HTRA3: variants seen among roughly 807,000 people sequenced by gnomAD.
HTRA3 encodes the protein serine protease HTRA3.
Under a neutral mutation model 43.2 loss-of-function variants are expected in HTRA3, and 41 were observed. The ratio of observed to expected loss-of-function variants is 0.95; its 90% CI spans 0.74 to 1.23. The LOEUF (loss-of-function observed/expected upper bound fraction) is 1.23, where lower values mean the gene tolerates loss of function less well. Among genes scored for constraint, HTRA3 ranks in the 50% most tolerant of loss-of-function variants. The pLI, the probability that HTRA3 is intolerant of heterozygous loss-of-function variation, is 0.00. For missense variants in HTRA3, 628 were observed against 647.1 expected, an observed-to-expected ratio of 0.97 and a Z score of 0.32; for synonymous variants, 295 against 287.9, an observed-to-expected ratio of 1.02 and a Z score of -0.25.
rs1028831615 is a variant in HTRA3, at chr4:8,296,580, G to A, written c.1051+2379G>A. ...CTGGAGGTGGGGTGCAGAGGCCTCT[G>A]AGGGGCTTTCAGGGTAAAGAGTGGC... On this transcript the variant is annotated intron_variant, in intron 6 of 8. Coordinates refer to ENST00000307358, the MANE Select transcript of HTRA3 (RefSeq NM_053044.5). This position sits in a 1 kb window ranked among gnomAD's most constrained non-coding sequence, Gnocchi z 5.3. 4.1e-6 allele frequency: 4 copies of A among 965,652 alleles called. No individual in the cohort carries two copies. Among genetic ancestry groups the A allele is most frequent in the Non-Finnish European group, 4.9e-6 (4 of 812,042 alleles). The allele number at this position is 965,652 out of a possible 1,614,324, so 59.8% of individuals were successfully genotyped here. A position where few individuals can be genotyped will look rare whatever the true frequency, so the allele number is the denominator to read the frequency against.
At chr4:8,274,271 C>G (rs192352413) in intron 1 of HTRA3, among the ~76,000 whole-genome samples, 1 of 152,228 alleles carries the variant, frequency 6.6e-6, no homozygotes, top group South Asian at 2.1e-4. Flanking sequence ...CTTGCCTTAG[C>G]GTGGTGGGTT....
Position 8,269,921 on chromosome 4 carries a change from G to C in HTRA3, c.-48G>C, listed in dbSNP as rs1292542365. 2.1e-6 allele frequency: 2 copies of C among 932,574 alleles called. No individual in the cohort carries two copies. Among genetic ancestry groups the C allele is most frequent in the Non-Finnish European group, 2.6e-6 (2 of 774,806 alleles). 57.8% of individuals were successfully genotyped at this position (932,574 alleles called of 1,614,324 possible). ...CGCAGCGGCCTCGTTGTCCCCGCCG[G>C]CCCCCGCCCGGTCTCCCGCGCTGCC... On this transcript the variant is annotated 5_prime_UTR_variant, in exon 1 of 9. Transcript: ENST00000307358.
In HTRA3 at chr4:8,295,074, TTTTCC is replaced by T. The variant is rs1425925327; in HGVS notation, c.1051+878_1051+882del. ...GCCACCATTTCTTCCTTCCTTTATT[TTTTCC>T]TTTCTTTTTTTCCTTCTCTCCTTCC... On this transcript the variant is annotated intron_variant, in intron 6 of 8. Transcript: ENST00000307358. The surrounding 1 kb of genome is among the most constrained non-coding windows in gnomAD (Gnocchi z 6.9). Among the ~76,000 whole-genome samples, 2 of 148,026 alleles carry T rather than the reference TTTTCC, an allele frequency of 1.4e-5. No homozygotes were observed. The highest frequency in any genetic ancestry group is 2.5e-5 in the African/African-American group (1 of 39,874).
intron 3 of HTRA3, among the ~76,000 whole-genome samples, chr4:8,287,497 A>G (rs1193257678): frequency 6.6e-6 from 1 of 152,158 alleles, no homozygotes; most frequent in Non-Finnish European, 1.5e-5. Context: ...GAGACATACA[A>G]TCATGACGGA....
At chr4:8,287,358 G>A (rs1713032863) in intron 3 of HTRA3, among the ~76,000 whole-genome samples, 1 of 152,208 alleles carries the variant, frequency 6.6e-6, no homozygotes. Context: ...TGGGAGGAAA[G>A]GGCCTGTATG....
In HTRA3 at chr4:8,269,973, A is replaced by T. The variant is rs1014369335; in HGVS notation, c.5A>T (p.Gln2Leu). Residue 2 changes from glutamine to leucine, a missense_variant, in exon 1 of 9, where the codon CAG (glutamine) becomes CTG (leucine). Physicochemically the swap from Gln to Leu is moderately radical, Grantham distance 113. Coordinates refer to ENST00000307358, the MANE Select transcript of HTRA3 (RefSeq NM_053044.5). ...CCCGCCGCCGGCCCTGCCGCCATGC[A>T]GGCGCGAGCGCTGCTCCTGGCCGCG... M[Q>L]ARALLLAALA... The T allele has an allele frequency of 5.9e-6, 7 of 1,182,346 alleles. No individual in the cohort carries two copies. In the African/African-American group the frequency reaches 8.1e-5, roughly 14 times the overall value. 73.2% of individuals were successfully genotyped at this position (1,182,346 alleles called of 1,614,324 possible).
intron 6 of HTRA3, among the ~76,000 whole-genome samples, chr4:8,298,979 A>G (rs1219652181): frequency 2.0e-5 from 3 of 152,218 alleles, no homozygotes; most frequent in Non-Finnish European, 2.9e-5. Context: ...TTTCTATATG[A>G]ATTTCAGAAT....
rs1713433458 is a variant in HTRA3 at position 8,295,818 on chromosome 4, A to G, written c.1051+1617A>G. 1.6e-6 allele frequency: 2 copies of G among 1,244,460 alleles called. No individual in the cohort carries two copies. The highest frequency in any genetic ancestry group is 7.1e-5 in the South Asian group (2 of 28,178). The allele number at this position is 1,244,460 out of a possible 1,614,324, so 77.1% of individuals were successfully genotyped here. A position where few individuals can be genotyped will look rare whatever the true frequency, so the allele number is the denominator to read the frequency against. ...GGCTGGTGCCATGAGGGCTGGTCACATGAAGAGCTGCTGTTGAGGATGCCG... is the reference window on the plus strand; with the variant it reads ...GGCTGGTGCCATGAGGGCTGGTCACGTGAAGAGCTGCTGTTGAGGATGCCG... On this transcript the variant is annotated intron_variant, in intron 6 of 8. Transcript: ENST00000307358. This position sits in a 1 kb window ranked among gnomAD's most constrained non-coding sequence, Gnocchi z 6.9.
intron 1 of HTRA3, among the ~76,000 whole-genome samples, chr4:8,278,788 C>T (rs1712629410): frequency 6.6e-6 from 1 of 152,228 alleles, no homozygotes; most frequent in Admixed American, 6.5e-5. Flanking sequence ...AGTGATTGAT[C>T]TTTGCCTCTA....
chr4:8,292,436 G>T lies in HTRA3; in HGVS notation c.936+83G>T, dbSNP rs1161540211. Reference sequence around the variant, plus strand: ...GTGCTCAGCCTTGAGGTGGGACAGGGCCCACAATATGGTCCTAGAACATTT... The same window carrying T: ...GTGCTCAGCCTTGAGGTGGGACAGGTCCCACAATATGGTCCTAGAACATTT... On this transcript the variant is annotated intron_variant, in intron 5 of 8. Transcript: ENST00000307358. 4 of 1,143,676 alleles carry T rather than the reference G, an allele frequency of 3.5e-6. No homozygotes were observed. In the African/African-American group the frequency reaches 6.1e-5, roughly 18 times the overall value. 70.8% of individuals were successfully genotyped at this position (1,143,676 alleles called of 1,614,324 possible). A position where few individuals can be genotyped will look rare whatever the true frequency, so the allele number is the denominator to read the frequency against.
chr4:8,281,748 T>G (rs10938704), intron 1 of HTRA3, among the ~76,000 whole-genome samples: 70,447 of 152,154 alleles, frequency 0.46, 17,985 homozygotes, highest in African/African-American at 0.68. Flanking sequence ...CCACAGCCCC[T>G]ACTGCTGACG....
At chr4:8,282,352 C>T (rs2153004726) in intron 1 of HTRA3, 85 bp from the exon 2 acceptor site, 8 of 1,070,282 alleles carry the variant, frequency 7.5e-6, no homozygotes, top group East Asian at 2.6e-5. Context: ...GAAGAGCCTC[C>T]TCCTTCTGCC....
At chr4:8,278,677 G>A (rs1712625760) in intron 1 of HTRA3, among the ~76,000 whole-genome samples, 3 of 152,174 alleles carry the variant, frequency 2.0e-5, no homozygotes, top group Admixed American at 2.0e-4. Context: ...CGCTTAAAGG[G>A]ACAGGACCTG....
At chr4:8,271,593 C>CA (rs938024688) in intron 1 of HTRA3, among the ~76,000 whole-genome samples, 20 of 152,176 alleles carry the variant, frequency 1.3e-4, no homozygotes, top group African/African-American at 4.6e-4. Context: ...TTATACAGGA[C>CA]AGAGATGTAT....
At position 8,306,977 on chromosome 4, in the gene HTRA3, C is replaced by T. The variant is rs1713878671; in HGVS notation, c.*841C>T. On this transcript the variant is annotated 3_prime_UTR_variant, in exon 9 of 9. Coordinates refer to ENST00000307358, the MANE Select transcript of HTRA3 (RefSeq NM_053044.5). This position sits in a 1 kb window ranked among gnomAD's most constrained non-coding sequence, Gnocchi z 8.9. ...AGGCATGCAGGCTGCTGGGCACCACCCCCTCATCCAGGGAACGAGTGTGTC... is the reference window on the plus strand; with the variant it reads ...AGGCATGCAGGCTGCTGGGCACCACTCCCTCATCCAGGGAACGAGTGTGTC... 1 of 152,760 alleles carries T rather than the reference C, an allele frequency of 6.5e-6. No homozygotes were observed. The highest frequency in any genetic ancestry group is 1.5e-5 in the Non-Finnish European group (1 of 68,108). 9.5% of individuals were successfully genotyped at this position (152,760 alleles called of 1,614,324 possible). A position where few individuals can be genotyped will look rare whatever the true frequency, so the allele number is the denominator to read the frequency against.
At chr4:8,274,997 T>C (rs1488045209) in intron 1 of HTRA3, among the ~76,000 whole-genome samples, 3 of 152,232 alleles carry the variant, frequency 2.0e-5, no homozygotes, top group African/African-American at 7.2e-5. Flanking sequence ...GTTCAGCATC[T>C]GGGACCACTC....
chr4:8,270,885 G>A (rs1423739204), intron 1 of HTRA3, among the ~76,000 whole-genome samples: 3 of 152,190 alleles, frequency 2.0e-5, no homozygotes, highest in East Asian at 3.9e-4. Context: ...GTCGGGGTCA[G>A]ACCCTAGAAC....
intron 6 of HTRA3, among the ~76,000 whole-genome samples, chr4:8,298,559 A>G (rs1245875537): frequency 6.6e-6 from 1 of 151,696 alleles, no homozygotes; most frequent in Non-Finnish European, 1.5e-5. Flanking sequence ...TGTTGTATCT[A>G]AGACGTCTTT....
At chr4:8,274,898 C>T (rs1364599133) in intron 1 of HTRA3, among the ~76,000 whole-genome samples, 2 of 152,190 alleles carry the variant, frequency 1.3e-5, no homozygotes, top group African/African-American at 2.4e-5. Flanking sequence ...GTTCTGATGG[C>T]ATCTCCCGGT....
Sources: gnomAD v4.1 joint callset for allele counts (sites outside exome capture counted in the v4.1 genomes callset) on GRCh38, gnomAD v4.1.1 for gene constraint, Gnocchi (gnomAD v3.1) non-coding constraint, MANE v1.5 for transcripts, NCBI Gene and HGNC (gene_info 2026-07-23, HGNC 2026-07-21) for gene names.